PDE4B: variants seen among roughly 807,000 people sequenced by gnomAD.
PDE4B encodes the protein phosphodiesterase 4B, also known as 3',5'-cyclic-AMP phosphodiesterase 4B.
PDE4B carries 20 observed loss-of-function variants against 82.2 expected under a neutral mutation model. The ratio of observed to expected loss-of-function variants is 0.24; its 90% confidence interval spans 0.17 to 0.35. The LOEUF is 0.35. Ranked by LOEUF, PDE4B falls within the 10% of genes least tolerant of loss-of-function variation. PDE4B has a pLI of 1.00. For missense variants in PDE4B, 655 were observed against 907.2 expected (o/e 0.72, Z 3.57); for synonymous variants, 320 against 318.9 (o/e 1.00, Z -0.04).
At chr1:65,872,263 C>T (rs1646581619) in intron 1 of PDE4B, among the ~76,000 whole-genome samples, 1 of 152,074 alleles carries the variant, frequency 6.6e-6, no homozygotes. Context: ...AAAGTGGTCA[C>T]ATTTACGAGT....
At position 66,247,341 on chromosome 1, in the gene PDE4B, A is replaced by G; in HGVS notation, c.282-119A>G. The G allele has an allele frequency of 5.3e-6, 3 of 564,206 alleles. No individual in the cohort carries two copies. In the Admixed American group the frequency reaches 8.7e-5, roughly 16 times the overall value. 34.9% of individuals were successfully genotyped at this position (564,206 alleles called of 1,614,324 possible). A position where few individuals can be genotyped will look rare whatever the true frequency, so the allele number is the denominator to read the frequency against. On this transcript the variant is annotated intron_variant, in intron 3 of 16. Transcript: ENST00000341517. ...TGAGGATGAAAACTTTCCATAGTAC[A>G]TACAGTTTTATGTAAAATGCTTAGT...
chr1:66,100,819 C>A (rs1281909962), intron 3 of PDE4B, among the ~76,000 whole-genome samples: 4 of 151,944 alleles, frequency 2.6e-5, no homozygotes, highest in Non-Finnish European at 2.9e-5. Context: ...GAATAGAACC[C>A]AGTAATTTTT....
At chr1:66,155,115 G>A (rs1289493272) in intron 3 of PDE4B, among the ~76,000 whole-genome samples, 1 of 152,122 alleles carries the variant, frequency 6.6e-6, no homozygotes, top group Non-Finnish European at 1.5e-5. Context: ...GGAAACAGGA[G>A]TGAAACTCTG....
At chr1:65,853,401 A>G (rs985768893) in intron 1 of PDE4B, among the ~76,000 whole-genome samples, 35 of 152,000 alleles carry the variant, frequency 2.3e-4, no homozygotes, top group African/African-American at 7.9e-4. Flanking sequence ...TTCAGTTTTA[A>G]TCTACCATAT....
chr1:65,820,921 G>A (rs1645944741), intron 1 of PDE4B, among the ~76,000 whole-genome samples: 1 of 152,196 alleles, frequency 6.6e-6, no homozygotes, highest in South Asian at 2.1e-4. Flanking sequence ...TTGACACATT[G>A]AAATCTCTGT....
At chr1:66,187,727 CTTCT>C (rs1277310048) in intron 3 of PDE4B, among the ~76,000 whole-genome samples, 1 of 151,790 alleles carries the variant, frequency 6.6e-6, no homozygotes, top group Admixed American at 6.6e-5. Context: ...TCTCTCTTTT[CTTCT>C]TTATTAGTCT....
At chr1:65,971,290 C>A (rs1650125669) in intron 3 of PDE4B, among the ~76,000 whole-genome samples, 1 of 151,994 alleles carries the variant, frequency 6.6e-6, no homozygotes, top group Non-Finnish European at 1.5e-5. Context: ...TAGAAAATGA[C>A]ACCTGGTCCT....
At chr1:66,028,390 C>G (rs1212456870) in intron 3 of PDE4B, among the ~76,000 whole-genome samples, 1 of 152,164 alleles carries the variant, frequency 6.6e-6, no homozygotes, top group Non-Finnish European at 1.5e-5. Flanking sequence ...CCTTTTCTTC[C>G]TAAGCCTCAA....
At chr1:66,275,250 C>T (rs539881580) in intron 7 of PDE4B, among the ~76,000 whole-genome samples, 1 of 152,298 alleles carries the variant, frequency 6.6e-6, no homozygotes, top group South Asian at 2.1e-4. Context: ...GCTTGTACAG[C>T]ACATCAAAGT....
intron 3 of PDE4B, among the ~76,000 whole-genome samples, chr1:65,985,209 A>C (rs1486762420): frequency 6.6e-5 from 10 of 152,322 alleles, no homozygotes. Context: ...ATATTAATTT[A>C]GGAAAATATT....
chr1:66,202,853 A>G (rs1238185438), intron 3 of PDE4B, among the ~76,000 whole-genome samples: 12 of 151,700 alleles, frequency 7.9e-5, no homozygotes, highest in African/African-American at 2.2e-4. Flanking sequence ...TTACATTTAA[A>G]GTTAATATTG....
chr1:65,825,504 A>G (rs560368407), intron 1 of PDE4B, among the ~76,000 whole-genome samples: 1 of 152,250 alleles, frequency 6.6e-6, no homozygotes, highest in Non-Finnish European at 1.5e-5. Flanking sequence ...ATAGAATCAC[A>G]TGTTGAAAGA....
intron 3 of PDE4B, among the ~76,000 whole-genome samples, chr1:66,030,164 C>A (rs1653691486): frequency 6.6e-6 from 1 of 151,202 alleles, no homozygotes; most frequent in Non-Finnish European, 1.5e-5. Flanking sequence ...TATTTATTTG[C>A]ATATGTTGAA....
At chr1:65,850,844 G>T (rs1249908287) in intron 1 of PDE4B, among the ~76,000 whole-genome samples, 2 of 152,236 alleles carry the variant, frequency 1.3e-5, no homozygotes, top group East Asian at 1.9e-4. Context: ...TTAACACTTT[G>T]TGCTTTTCTT....
chr1:66,108,172 G>T (rs1231254851), intron 3 of PDE4B, among the ~76,000 whole-genome samples: 1 of 151,838 alleles, frequency 6.6e-6, no homozygotes, highest in African/African-American at 2.4e-5. Context: ...TATACCTCCT[G>T]TTTAACTGAA....
chr1:66,253,168 T>C (rs530099773), intron 4 of PDE4B, among the ~76,000 whole-genome samples: 1 of 152,326 alleles, frequency 6.6e-6, no homozygotes, highest in South Asian at 2.1e-4. Context: ...GGTTACCTAA[T>C]GTCGCATAGC....
chr1:66,356,818 A>T (rs1446494512), intron 9 of PDE4B, among the ~76,000 whole-genome samples: 1 of 152,204 alleles, frequency 6.6e-6, no homozygotes, highest in East Asian at 1.9e-4. Context: ...AGTTTCTAGT[A>T]TGTGAGTGTC....
At chr1:66,311,539 C>G (rs1233156604) in intron 7 of PDE4B, among the ~76,000 whole-genome samples, 1 of 152,176 alleles carries the variant, frequency 6.6e-6, no homozygotes, top group Admixed American at 6.5e-5. Context: ...GGTTAGAATC[C>G]ACAACCTCCA....
chr1:66,170,086 T>A (rs970365643), intron 3 of PDE4B, among the ~76,000 whole-genome samples: 1 of 152,182 alleles, frequency 6.6e-6, no homozygotes, highest in Non-Finnish European at 1.5e-5. Flanking sequence ...ACAGGGAAGA[T>A]AATGAAAATG....
Sources: allele counts gnomAD v4.1 joint callset (sites outside exome capture counted in the v4.1 genomes callset), GRCh38; gene constraint gnomAD v4.1.1; transcripts MANE v1.5; gene names NCBI Gene and HGNC (gene_info 2026-07-23, HGNC 2026-07-21).